EGLN3: variants seen among roughly 807,000 people sequenced by gnomAD.
The protein encoded by EGLN3 is egl-9 family hypoxia inducible factor 3.
In EGLN3, 15 loss-of-function variants were observed where a neutral mutation model predicts 26.0. The ratio of observed to expected loss-of-function variants is 0.58; its 90% CI spans 0.39 to 0.89. EGLN3 has a LOEUF of 0.89. Among genes scored for constraint, EGLN3 ranks in the 40% least tolerant of loss-of-function variants. The probability of loss-of-function intolerance (pLI) is 0.00; values close to 1 mark genes in which losing one functional copy is unlikely to be tolerated. For synonymous variants in EGLN3, 147 were observed against 127.2 expected (o/e 1.16, Z -1.05); for missense variants, 238 against 311.6 (o/e 0.76, Z 1.78).
intron 1 of EGLN3, 101 bp from the exon 2 acceptor site, chr14:33,931,316 C>A: frequency 6.5e-7 from 1 of 1,545,292 alleles, no homozygotes; most frequent in Non-Finnish European, 8.8e-7. Flanking sequence ...TTGGGTGTTA[C>A]GTGACATTTA....
At chr14:33,945,136 C>A (rs1217000399) in intron 1 of EGLN3, among the ~76,000 whole-genome samples, 3 of 152,152 alleles carry the variant, frequency 2.0e-5, no homozygotes, top group Non-Finnish European at 4.4e-5. Flanking sequence ...ATAGGAATCC[C>A]TTACATCCTT....
chr14:33,935,296 C>T (rs562137758), intron 1 of EGLN3, among the ~76,000 whole-genome samples: 113 of 152,290 alleles, frequency 7.4e-4, no homozygotes, highest in African/African-American at 2.4e-3. Flanking sequence ...AGCTGTAGAA[C>T]GTCTCTTCTT....
intron 2 of EGLN3, 41 bp downstream of exon 2, chr14:33,931,055 A>G: frequency 6.2e-7 from 1 of 1,609,320 alleles, no homozygotes; most frequent in Non-Finnish European, 8.5e-7. Context: ...ATTTTCCTGT[A>G]GTTTCTAACC....
intron 1 of EGLN3, among the ~76,000 whole-genome samples, chr14:33,936,602 A>G (rs1476749473): frequency 1.3e-5 from 2 of 152,088 alleles, no homozygotes; most frequent in Non-Finnish European, 2.9e-5. Context: ...CCCATTTGGT[A>G]ATTCATCTGA....
intron 1 of EGLN3, chr14:33,948,611 T>G (rs2064534357): frequency 6.6e-6 from 1 of 152,230 alleles, no homozygotes; most frequent in Non-Finnish European, 1.5e-5. Context: ...TCCCTTACCC[T>G]AACTTACACA....
intron 1 of EGLN3, among the ~76,000 whole-genome samples, chr14:33,932,587 TTTACAACAA>T (rs1162856239): frequency 6.6e-6 from 1 of 152,072 alleles, no homozygotes; most frequent in Non-Finnish European, 1.5e-5. Flanking sequence ...GTAACTGGAC[TTTACAACAA>T]TTTTAAAGCT....
At chr14:33,948,941 A>T (rs2064536913) in intron 1 of EGLN3, 3 of 152,220 alleles carry the variant, frequency 2.0e-5, no homozygotes, top group Admixed American at 6.5e-5. Flanking sequence ...AAGGTCATTT[A>T]ATGCAAAAAT....
chr14:33,946,860 A>C (rs2064521606), intron 1 of EGLN3, among the ~76,000 whole-genome samples: 1 of 152,248 alleles, frequency 6.6e-6, no homozygotes, highest in Admixed American at 6.5e-5. Flanking sequence ...GCCTAAAGCC[A>C]CGAAGTTAGT....
chr14:33,925,962 G>A (rs771213864), intron 4 of EGLN3, 40 bp from the exon 5 acceptor site: 17 of 1,604,224 alleles, frequency 1.1e-5, no homozygotes, highest in African/African-American at 1.3e-5. Flanking sequence ...AGGGTATGGA[G>A]TCAGCTCTGA....
chr14:33,938,465 A>C (rs1021294487), intron 1 of EGLN3, among the ~76,000 whole-genome samples: 3 of 152,210 alleles, frequency 2.0e-5, no homozygotes, highest in African/African-American at 7.2e-5. Context: ...CTAAGCCAGC[A>C]GGGTGATGGC....
intron 1 of EGLN3, among the ~76,000 whole-genome samples, chr14:33,941,507 G>A (rs1056886769): frequency 5.3e-5 from 8 of 151,982 alleles, no homozygotes; most frequent in Non-Finnish European, 1.2e-4. Flanking sequence ...CATCGAATTA[G>A]AGACTAAGCT....
At chr14:33,947,779 C>G (rs558411848) in intron 1 of EGLN3, among the ~76,000 whole-genome samples, 22 of 152,278 alleles carry the variant, frequency 1.4e-4, no homozygotes, top group Admixed American at 7.2e-4. Flanking sequence ...GGGCCGGGCA[C>G]AGTGGCTCAA....
intron 1 of EGLN3, among the ~76,000 whole-genome samples, chr14:33,933,465 AG>A (rs1194155999): frequency 6.6e-6 from 1 of 152,206 alleles, no homozygotes; most frequent in Non-Finnish European, 1.5e-5. Context: ...ACTGCTTAAG[AG>A]GGAGGCAAAG....
intron 3 of EGLN3, 61 bp downstream of exon 3, chr14:33,929,015 T>G (rs1347113632): frequency 1.3e-6 from 2 of 1,588,292 alleles, no homozygotes; most frequent in Non-Finnish European, 1.7e-6. Context: ...TTTAAAGAGT[T>G]CTCTGGAACT....
Position 33,950,825 on chromosome 14 carries a change from C to T in EGLN3, c.-73G>A. On this transcript the variant is annotated 5_prime_UTR_variant, in exon 1 of 5. Coordinates refer to ENST00000250457, the MANE Select transcript of EGLN3 (RefSeq NM_022073.4). ...GGGAACGATCTACACGAGCGCGAAG[C>T]CGAGGCGCGGGGAGCGTGGCCCGGG... 1 of 1,393,572 alleles carries T rather than the reference C, an allele frequency of 7.2e-7. No individual in the cohort carries two copies. The highest frequency in any genetic ancestry group is 9.8e-7 in the Non-Finnish European group (1 of 1,016,962). 86.3% of individuals were successfully genotyped at this position (1,393,572 alleles called of 1,614,324 possible). A position where few individuals can be genotyped will look rare whatever the true frequency, so the allele number is the denominator to read the frequency against.
At chr14:33,942,622 C>T (rs1178269080) in intron 1 of EGLN3, among the ~76,000 whole-genome samples, 3 of 152,126 alleles carry the variant, frequency 2.0e-5, no homozygotes, top group East Asian at 1.9e-4. Context: ...CAGGGTCTCA[C>T]ATTAGAATAA....
chr14:33,941,289 A>G (rs77954777), intron 1 of EGLN3, among the ~76,000 whole-genome samples: 3,901 of 152,236 alleles, frequency 0.026, 190 homozygotes, highest in African/African-American at 0.088. Flanking sequence ...CTAGGACCAG[A>G]ACCTGGGGCC....
rs371492561 is a variant in EGLN3 at position 33,931,826 on chromosome 14, G to GA, written c.358-612dup. On this transcript the variant is annotated intron_variant, in intron 1 of 4. Transcript: ENST00000250457. The stretch of plus-strand genomic sequence containing the variant: ...GACAACACAGGGAGATTCCTTTCAG[G>GA]AAAAAAGCCATGCATGTATCTTAAT... 6.4e-3 allele frequency among the ~76,000 whole-genome samples: 977 copies of GA among 152,222 alleles called. 7 individuals are homozygous for GA. Among genetic ancestry groups the GA allele is most frequent in the African/African-American group, 0.022 (907 of 41,530 alleles).
intron 1 of EGLN3, among the ~76,000 whole-genome samples, chr14:33,946,751 A>C (rs2064520938): frequency 6.6e-6 from 1 of 152,230 alleles, no homozygotes; most frequent in African/African-American, 2.4e-5. Flanking sequence ...GAATTCTGCT[A>C]AACATTTCAT....
Sources: allele counts gnomAD v4.1 joint callset (sites outside exome capture counted in the v4.1 genomes callset), GRCh38; gene constraint gnomAD v4.1.1; transcripts MANE v1.5; gene names NCBI Gene and HGNC (gene_info 2026-07-23, HGNC 2026-07-21).